The following STK31 variants were observed in gnomAD, a reference collection of about 807,000 sequenced individuals.
STK31 encodes the protein serine/threonine-protein kinase 31.
Under a neutral mutation model 129.7 loss-of-function variants are expected in STK31, and 89 were observed. The ratio of observed to expected loss-of-function variants is 0.69; its 90% CI spans 0.58 to 0.82. The LOEUF (loss-of-function observed/expected upper bound fraction) is 0.82, where lower values mean the gene tolerates loss of function less well. STK31 is among the 40% of genes least tolerant of loss of function. The pLI is 0.00. For synonymous variants in STK31, 448 were observed against 395.3 expected (o/e 1.13, Z -1.58); for missense variants, 1,187 against 1,176.4 (o/e 1.01, Z -0.13).
At chr7:23,747,129 C>T (rs1359063082) in intron 8 of STK31, among the ~76,000 whole-genome samples, 2 of 151,896 alleles carry the variant, frequency 1.3e-5, no homozygotes, top group African/African-American at 4.8e-5. Flanking sequence ...TGGTTTGTGG[C>T]TTTCTTTTTG....
intron 15 of STK31, among the ~76,000 whole-genome samples, chr7:23,780,936 A>G (rs1790886000): frequency 6.6e-6 from 1 of 152,234 alleles, no homozygotes; most frequent in Admixed American, 6.5e-5. Flanking sequence ...TAAAGTTCAC[A>G]AGATTTATTT....
chr7:23,712,189 T>C (rs777703757), intron 2 of STK31, 44 bp downstream of exon 2: 96 of 1,613,786 alleles, frequency 5.9e-5, no homozygotes, highest in Non-Finnish European at 8.0e-5. Flanking sequence ...AGCTAGATGA[T>C]ACTGATTAAT....
chr7:23,794,186 T>A (rs937838630), intron 22 of STK31, among the ~76,000 whole-genome samples: 2 of 152,134 alleles, frequency 1.3e-5, no homozygotes, highest in South Asian at 4.1e-4. Flanking sequence ...ATCCCCATGT[T>A]TCAAGGGTGG....
rs750817484 is a variant in STK31, at chr7:23,790,849, T to C, written c.2663T>C (p.Met888Thr). ...SVSQRASVNM[M>T]VGDLSLMSPE... ...AGTCAGCGAGCCTCGGTGAACATGA[T>C]GGTTGGTGACTTGAGTTTGATGTCA... The change falls in exon 22 of 24, where the codon ATG (methionine) becomes ACG (threonine). Residue 888 changes from methionine (M) to threonine (T), a missense_variant. Coordinates refer to ENST00000355870, the MANE Select transcript of STK31 (RefSeq NM_031414.5). The C allele has an allele frequency of 1.1e-5, 18 of 1,606,148 alleles. No homozygotes were observed. The East Asian group carries it at 3.4e-4, about 30-fold the overall frequency.
chr7:23,745,033 T>A (rs778876034), intron 8 of STK31, among the ~76,000 whole-genome samples: 14 of 152,162 alleles, frequency 9.2e-5, no homozygotes, highest in Non-Finnish European at 2.1e-4. Context: ...AGCAATGGCT[T>A]GACAACCCTG....
intron 10 of STK31, among the ~76,000 whole-genome samples, chr7:23,760,805 G>A (rs1261941963): frequency 5.5e-5 from 2 of 36,218 alleles, no homozygotes; most frequent in African/African-American, 1.2e-4. Flanking sequence ...ACTACAGGCG[G>A]TGTACTACCA....
At chr7:23,799,961 G>A (rs550176002) in intron 22 of STK31, among the ~76,000 whole-genome samples, 3 of 152,308 alleles carry the variant, frequency 2.0e-5, no homozygotes, top group East Asian at 1.9e-4. Context: ...AGACATTTAT[G>A]TGGCCAACAA....
chr7:23,789,595 A>T (rs555732089), intron 21 of STK31, among the ~76,000 whole-genome samples: 2 of 152,106 alleles, frequency 1.3e-5, no homozygotes, highest in African/African-American at 4.8e-5. Flanking sequence ...TGCAACTGTA[A>T]TCAAAAGCTG....
At chr7:23,796,257 A>G (rs1178613221) in intron 22 of STK31, among the ~76,000 whole-genome samples, 1 of 152,152 alleles carries the variant, frequency 6.6e-6, no homozygotes, top group Non-Finnish European at 1.5e-5. Flanking sequence ...GTCTGGTTTC[A>G]TTGAACCAGC....
At chr7:23,791,051 TAG>T in intron 22 of STK31, 105 bp downstream of exon 22, 1 of 1,095,210 alleles carries the variant, frequency 9.1e-7, no homozygotes, top group Non-Finnish European at 1.2e-6. Flanking sequence ...AGCAGACTTT[TAG>T]TAGAACTTTA....
intron 8 of STK31, among the ~76,000 whole-genome samples, chr7:23,745,121 T>C (rs1788271810): frequency 6.6e-6 from 1 of 152,136 alleles, no homozygotes; most frequent in Non-Finnish European, 1.5e-5. Flanking sequence ...ACAGGTAGCA[T>C]GTGCAAGTGG....
chr7:23,804,417 GGTGCAAA>G (rs1441019050), intron 22 of STK31, among the ~76,000 whole-genome samples: 6 of 152,148 alleles, frequency 3.9e-5, no homozygotes, highest in Admixed American at 2.0e-4. Context: ...AACTGTGCCT[GGTGCAAA>G]GTGGGCACTC....
At chr7:23,721,496 T>C (rs945761625) in intron 4 of STK31, 2 of 1,040,664 alleles carry the variant, frequency 1.9e-6, no homozygotes, top group Admixed American at 3.7e-5. Flanking sequence ...AGGAATAAGC[T>C]GATTACCCAC....
At chr7:23,736,448 C>G (rs1057439604) in intron 7 of STK31, among the ~76,000 whole-genome samples, 2 of 151,810 alleles carry the variant, frequency 1.3e-5, no homozygotes, top group Non-Finnish European at 2.9e-5. Context: ...ATATCATGGT[C>G]CAAGCCATGA....
intron 19 of STK31, 56 bp from the exon 20 acceptor site, chr7:23,786,782 A>G: frequency 6.4e-7 from 1 of 1,572,496 alleles, no homozygotes; most frequent in Non-Finnish European, 8.7e-7. Context: ...AATGTATGCT[A>G]AAAATATGTT....
intron 21 of STK31, among the ~76,000 whole-genome samples, chr7:23,789,043 A>G (rs576327442): frequency 2.6e-5 from 4 of 152,310 alleles, no homozygotes. Context: ...TCTCATGTAA[A>G]TGGAATGATA....
At chr7:23,720,652 T>A (rs1166869362) in intron 4 of STK31, among the ~76,000 whole-genome samples, 1 of 152,166 alleles carries the variant, frequency 6.6e-6, no homozygotes, top group Non-Finnish European at 1.5e-5. Context: ...ATTTTAATAA[T>A]TCACTTGGCT....
chr7:23,791,504 C>T (rs2128114596), intron 22 of STK31, among the ~76,000 whole-genome samples: 1 of 152,232 alleles, frequency 6.6e-6, no homozygotes, highest in African/African-American at 2.4e-5. Context: ...TGAAAAACTA[C>T]CTGTTAGGTA....
chr7:23,750,406 C>G (rs1352358845), intron 8 of STK31, among the ~76,000 whole-genome samples: 2 of 152,140 alleles, frequency 1.3e-5, no homozygotes, highest in Non-Finnish European at 2.9e-5. Context: ...TCTTACAGAT[C>G]TGAGAAAAGT....
Sources: gnomAD v4.1 joint callset for allele counts (sites outside exome capture counted in the v4.1 genomes callset) on GRCh38, gnomAD v4.1.1 for gene constraint, MANE v1.5 for transcripts, NCBI Gene and HGNC (gene_info 2026-07-23, HGNC 2026-07-21) for gene names.